The following ZNF83 variants were observed in gnomAD, a reference collection of about 807,000 sequenced individuals.
ZNF83 encodes the protein zinc finger protein 816B.
For synonymous variants in ZNF83, 209 were observed against 213.0 expected, an observed-to-expected ratio of 0.98 and a Z score of 0.17; for missense variants, 552 against 629.9, an observed-to-expected ratio of 0.88 and a Z score of 1.32.
chr19:52,663,972 C>T (rs761009557), intron 1 of ZNF83, among the ~76,000 whole-genome samples: 28 of 152,176 alleles, frequency 1.8e-4, no homozygotes, highest in Non-Finnish European at 3.7e-4. Context: ...CTGCAACCTC[C>T]ACCTCCCGGA....
intron 2 of ZNF83, among the ~76,000 whole-genome samples, chr19:52,616,180 A>G (rs1191336558): frequency 1.3e-5 from 2 of 152,182 alleles, no homozygotes; most frequent in African/African-American, 4.8e-5. Context: ...CTTTACAAAA[A>G]CTTCAATATT....
chr19:52,639,420 T>A (rs1279618287), upstream of ZNF83, among the ~76,000 whole-genome samples: 1 of 139,582 alleles, frequency 7.2e-6, no homozygotes, highest in African/African-American at 2.7e-5. Flanking sequence ...TTTCTATTTT[T>A]TTTTTTTTTT....
chr19:52,661,995 C>A (rs537917202), intron 1 of ZNF83, among the ~76,000 whole-genome samples: 2 of 152,064 alleles, frequency 1.3e-5, no homozygotes, highest in African/African-American at 2.4e-5. Flanking sequence ...AAGAAACCTG[C>A]GTGGCTGGAG....
intron 1 of ZNF83, among the ~76,000 whole-genome samples, chr19:52,677,011 C>T (rs2061823724): frequency 1.4e-5 from 2 of 146,974 alleles, no homozygotes; most frequent in East Asian, 4.0e-4. Flanking sequence ...GGGTCCTCTG[C>T]CTAGGAAAAC....
Position 52,635,169 on chromosome 19 carries a change from A to T in ZNF83, c.-321-16T>A, listed in dbSNP as rs10775556. 3.2e-6 allele frequency: 2 copies of T among 618,634 alleles called. No homozygotes were observed. The highest frequency in any genetic ancestry group is 1.8e-5 in the African/African-American group (1 of 54,996). The allele number at this position is 618,634 out of a possible 1,614,324, so 38.3% of individuals were successfully genotyped here. A position where few individuals can be genotyped will look rare whatever the true frequency, so the allele number is the denominator to read the frequency against. On this transcript the variant is annotated splice_polypyrimidine_tract_variant and intron_variant, in intron 1 of 2. Transcript: ENST00000301096. ...GAAGTCAATCCTGAATGTTAAAAAT[A>T]TGTTGTTTATTGCTCAGAATCAATA...
chr19:52,664,795 G>A (rs888051868), intron 1 of ZNF83, among the ~76,000 whole-genome samples: 1 of 151,836 alleles, frequency 6.6e-6, no homozygotes, highest in African/African-American at 2.4e-5. Flanking sequence ...TGAGGGGTTC[G>A]CAGGGGAATG....
intron 1 of ZNF83, among the ~76,000 whole-genome samples, chr19:52,672,749 G>A (rs8106247): frequency 0.53 from 80,821 of 151,956 alleles, 22,419 homozygotes; most frequent in African/African-American, 0.63. Flanking sequence ...ATTGGTGCTC[G>A]CCATCATGCT....
intron 3 of ZNF83, among the ~76,000 whole-genome samples, chr19:52,647,964 C>T (rs780699922): frequency 3.3e-5 from 5 of 151,722 alleles, no homozygotes; most frequent in Non-Finnish European, 5.9e-5. Flanking sequence ...TGTTGTTCTT[C>T]CTCTGTTCTC....
At chr19:52,614,733 T>G in exon 3 of ZNF83, 1 of 1,321,556 alleles carries the variant, frequency 7.6e-7, no homozygotes, top group East Asian at 2.8e-5. Context: ...CTGTCTGGAA[T>G]ATTTCTCCTG....
At chr19:52,663,715 A>C (rs2061608914) in intron 1 of ZNF83, among the ~76,000 whole-genome samples, 1 of 152,228 alleles carries the variant, frequency 6.6e-6, no homozygotes. Flanking sequence ...GCTCAATCTA[A>C]ACTGAACACA....
intron 1 of ZNF83, among the ~76,000 whole-genome samples, chr19:52,687,633 G>GTA (rs35612737): frequency 0.095 from 2,638 of 27,790 alleles, 453 homozygotes; most frequent in Admixed American, 0.29. Context: ...TATATATAAT[G>GTA]TATATATATA....
intron 2 of ZNF83, among the ~76,000 whole-genome samples, chr19:52,634,616 G>A (rs2061084209): frequency 6.6e-6 from 1 of 152,098 alleles, no homozygotes; most frequent in Non-Finnish European, 1.5e-5. Context: ...TAAAAATATA[G>A]TATAAAATCA....
At chr19:52,678,458 AAAAAAAG>A (rs998124918) in intron 1 of ZNF83, among the ~76,000 whole-genome samples, 8 of 151,334 alleles carry the variant, frequency 5.3e-5, no homozygotes, top group Admixed American at 4.0e-4. Flanking sequence ...TCAAAAAAAA[AAAAAAAG>A]AAAAAAGAAA....
intron 2 of ZNF83, among the ~76,000 whole-genome samples, chr19:52,628,580 T>A (rs1379629265): frequency 2.0e-5 from 3 of 152,116 alleles, no homozygotes; most frequent in South Asian, 4.1e-4. Context: ...CCTCTCTGAT[T>A]ATTCACCCAG....
intron 1 of ZNF83, among the ~76,000 whole-genome samples, chr19:52,688,318 G>A (rs551311947): frequency 2.0e-5 from 3 of 151,206 alleles, no homozygotes; most frequent in Admixed American, 6.6e-5. Flanking sequence ...TTACAGGTGC[G>A]CACCATCATA....
At chr19:52,670,645 T>C (rs1489494869) in intron 1 of ZNF83, among the ~76,000 whole-genome samples, 2 of 152,178 alleles carry the variant, frequency 1.3e-5, no homozygotes, top group African/African-American at 4.8e-5. Context: ...TGAATAATCA[T>C]GGCCCATGAC....
At chr19:52,627,402 C>A (rs2060785008) in intron 2 of ZNF83, among the ~76,000 whole-genome samples, 1 of 152,030 alleles carries the variant, frequency 6.6e-6, no homozygotes, top group South Asian at 2.1e-4. Flanking sequence ...TGGTTCATGC[C>A]TGTAATTCCA....
chr19:52,664,287 A>G (rs1014560982), intron 1 of ZNF83, among the ~76,000 whole-genome samples: 5 of 151,478 alleles, frequency 3.3e-5, no homozygotes, highest in African/African-American at 1.2e-4. Context: ...CTTAAGCCCT[A>G]GAGTTCGAGA....
At chr19:52,652,376 C>T (rs914353499) in intron 3 of ZNF83, 2 of 315,324 alleles carry the variant, frequency 6.3e-6, no homozygotes, top group African/African-American at 2.2e-5. Flanking sequence ...TGGAGGTTGC[C>T]GTGAGCCGAG....
Sources: allele counts gnomAD v4.1 joint callset (sites outside exome capture counted in the v4.1 genomes callset), GRCh38; gene constraint gnomAD v4.1.1; transcripts MANE v1.5; gene names NCBI Gene and HGNC (gene_info 2026-07-23, HGNC 2026-07-21).